Variants in UFL1 observed in about 807,000 individuals in gnomAD.
UFL1 encodes the protein UFM1 specific ligase 1.
Under a neutral mutation model 99.3 loss-of-function variants are expected in UFL1, and 78 were observed. The observed-to-expected ratio is 0.79, with a 90% CI of 0.65 to 0.95. The LOEUF (loss-of-function observed/expected upper bound fraction) is 0.95. UFL1 is among the 40% of genes least tolerant of loss of function. UFL1 has a pLI of 0.00. For missense variants in UFL1, 936 were observed against 937.0 expected, an observed-to-expected ratio of 1.00 and a Z score of 0.01; for synonymous variants, 335 against 322.2, an observed-to-expected ratio of 1.04 and a Z score of -0.42.
At chr6:96,530,497 G>A (rs1245681188) in intron 6 of UFL1, among the ~76,000 whole-genome samples, 1 of 152,060 alleles carries the variant, frequency 6.6e-6, no homozygotes, top group Non-Finnish European at 1.5e-5. Flanking sequence ...GGCAATTTGG[G>A]ACCATGGATG....
At chr6:96,540,445 A>G (rs1769914683) in intron 10 of UFL1, 90 bp from the exon 11 acceptor site, 2 of 1,447,850 alleles carry the variant, frequency 1.4e-6, no homozygotes, top group African/African-American at 2.9e-5. Context: ...ACAAAACCAA[A>G]CAAGAATAAT....
In UFL1 at chr6:96,551,513, G is replaced by A; in HGVS notation, c.1899G>A (p.Lys633=). The change falls in exon 16 of 19, where the codon AAG becomes AAA. Residue 633 remains lysine (K), a splice_region_variant and synonymous_variant. Transcript: ENST00000369278. The stretch of plus-strand genomic sequence containing the variant: ...AACTCCATAACTCTCTGAATGAAAA[G>A]GTAAGTAAAGTTTTATTCTATTTAC... ...LTKLHNSLNE[K]SIEDFISCLD... 1 of 1,512,174 alleles carries A rather than the reference G, an allele frequency of 6.6e-7. No individual in the cohort carries two copies. Among genetic ancestry groups the A allele is most frequent in the East Asian group, 2.4e-5 (1 of 41,922 alleles). 93.7% of individuals were successfully genotyped at this position (1,512,174 alleles called of 1,614,324 possible).
intron 12 of UFL1, among the ~76,000 whole-genome samples, chr6:96,545,271 C>G (rs1769984060): frequency 6.6e-6 from 1 of 151,076 alleles, no homozygotes; most frequent in African/African-American, 2.4e-5. Flanking sequence ...TAGAAATAAT[C>G]ACTTTTATAC....
At chr6:96,524,647 C>A (rs1026547010) in intron 3 of UFL1, among the ~76,000 whole-genome samples, 5 of 151,938 alleles carry the variant, frequency 3.3e-5, no homozygotes, top group African/African-American at 1.2e-4. Flanking sequence ...AAGAGTTGGC[C>A]AACTCTTCCC....
Position 96,548,255 on chromosome 6 carries a change from T to G in UFL1, c.1494T>G (p.Ile498Met). Residue 498 changes from isoleucine to methionine, a missense_variant, in exon 13 of 19, where the codon ATT becomes ATG. Transcript: ENST00000369278. Reference sequence around the variant, plus strand: ...TACAAGATGCCCCTGAGGAGTTTATTTCGGAACTTGCTGAGTACTTAATAA... The same window carrying G: ...TACAAGATGCCCCTGAGGAGTTTATGTCGGAACTTGCTGAGTACTTAATAA... The part of the protein sequence containing the change: ...KHIQDAPEEF[I>M]SELAEYLIKP... 6.2e-7 allele frequency: 1 copy of G among 1,601,898 alleles called. No individual in the cohort carries two copies. Among genetic ancestry groups the G allele is most frequent in the Non-Finnish European group, 8.5e-7 (1 of 1,174,816 alleles).
chr6:96,542,794 T>C lies in UFL1; in HGVS notation c.1280-100T>C, dbSNP rs777224533. On this transcript the variant is annotated intron_variant, in intron 11 of 18. Coordinates refer to ENST00000369278, the MANE Select transcript of UFL1 (RefSeq NM_015323.5). The stretch of plus-strand genomic sequence containing the variant: ...TAAAAGTTTCTTTATTTTGCCTTTA[T>C]TTTTTCTGCTGTAAAGTTAAATACA... 845 of 1,217,802 alleles carry C rather than the reference T, an allele frequency of 6.9e-4. 1 individual carries two copies. The highest frequency in any genetic ancestry group is 8.4e-4 in the Non-Finnish European group (786 of 941,110). The allele number at this position is 1,217,802 out of a possible 1,614,324, so 75.4% of individuals were successfully genotyped here. A position where few individuals can be genotyped will look rare whatever the true frequency, so the allele number is the denominator to read the frequency against.
In UFL1 at chr6:96,554,300, T is replaced by C. The variant is rs2127954314; in HGVS notation, c.*797T>C. ...TGACCCAGTTTGCATTTGTACATTT[T>C]ATTTTTTTAGTTCAACAGCTGCTCT... On this transcript the variant is annotated 3_prime_UTR_variant, in exon 19 of 19. Transcript: ENST00000369278. 6.6e-6 allele frequency: 1 copy of C among 152,312 alleles called. No homozygotes were observed. Among genetic ancestry groups the C allele is most frequent in the Non-Finnish European group, 1.5e-5 (1 of 68,020 alleles). The allele number at this position is 152,312 out of a possible 1,614,324, so 9.4% of individuals were successfully genotyped here.
chr6:96,551,267 A>C (rs770848845), intron 15 of UFL1, among the ~76,000 whole-genome samples, 166 bp from the exon 16 acceptor site: 1 of 150,742 alleles, frequency 6.6e-6, no homozygotes, highest in Non-Finnish European at 1.5e-5. Flanking sequence ...TGTTTGGCTG[A>C]TTGGCTATTG....
In UFL1 at chr6:96,528,517, C is replaced by T. The variant is rs1769733896; in HGVS notation, c.481C>T (p.Leu161Phe). ...TTACCCACAGGCACTAACTCAGCGACTTGGTAGAATTATCAGTGGACATAT... is the reference window on the plus strand; with the variant it reads ...TTACCCACAGGCACTAACTCAGCGATTTGGTAGAATTATCAGTGGACATAT... ...NFLTQALTQRLGRIISGHIDL... is the reference protein window; with the variant it reads ...NFLTQALTQRFGRIISGHIDL... Residue 161 changes from leucine (L) to phenylalanine (F), a missense_variant, in exon 6 of 19, where the codon CTT becomes TTT. By Grantham distance (22) the Leu-to-Phe change is conservative (BLOSUM62 0). Transcript: ENST00000369278. The T allele has an allele frequency of 1.2e-6, 2 of 1,612,838 alleles. No homozygotes were observed. The highest frequency in any genetic ancestry group is 1.7e-6 in the Non-Finnish European group (2 of 1,179,458).
chr6:96,524,395 T>C lies in UFL1; in HGVS notation c.237T>C (p.Ile79=). Reference sequence around the variant, plus strand: ...TTTTCTTCAAAGGTCGAGTAAACATTGTTGATCTACAACAGGTAGGTTTTA... The same window carrying C: ...TTTTCTTCAAAGGTCGAGTAAACATCGTTGATCTACAACAGGTAGGTTTTA... ...ELHVRGGRVN[I]VDLQQVINVD... Residue 79 remains isoleucine, a synonymous_variant, in exon 3 of 19, where the codon ATT becomes ATC. Transcript: ENST00000369278. 1 of 1,589,404 alleles carries C rather than the reference T, an allele frequency of 6.3e-7. No individual in the cohort carries two copies. The highest frequency in any genetic ancestry group is 8.5e-7 in the Non-Finnish European group (1 of 1,170,774).
intron 6 of UFL1, among the ~76,000 whole-genome samples, chr6:96,533,047 A>G (rs1313044540): frequency 1.3e-5 from 2 of 152,130 alleles, no homozygotes; most frequent in East Asian, 3.9e-4. Context: ...ATAATCAACA[A>G]TGGAGGATTG....
Position 96,553,279 on chromosome 6 carries a change from T to C in UFL1, c.2167-6T>C, listed in dbSNP as rs1224531427. On this transcript the variant is annotated splice_region_variant and splice_polypyrimidine_tract_variant and intron_variant, in intron 18 of 18. Transcript: ENST00000369278. ...TGTTGATTAACTTTTCTTTCCCTTT[T>C]CACAGGATCAGCATGCTCTTTTGGT... The C allele has an allele frequency of 6.2e-7, 1 of 1,608,602 alleles. No individual in the cohort carries two copies. Among genetic ancestry groups the C allele is most frequent in the East Asian group, 2.2e-5 (1 of 44,784 alleles).
At chr6:96,534,461 T>A (rs948578423) in intron 7 of UFL1, 140 bp downstream of exon 7, 4 of 653,682 alleles carry the variant, frequency 6.1e-6, no homozygotes, top group Non-Finnish European at 9.5e-6. Context: ...TTTCTTTGTA[T>A]CAAGTTTTAT....
At chr6:96,528,196 C>A (rs888631330) in intron 5 of UFL1, among the ~76,000 whole-genome samples, 14 of 152,162 alleles carry the variant, frequency 9.2e-5, no homozygotes. Context: ...ATCAAATAAT[C>A]ATCATATTGA....
intron 4 of UFL1, among the ~76,000 whole-genome samples, chr6:96,525,679 T>TAAAAAA (rs199586317): frequency 3.6e-5 from 4 of 110,900 alleles, no homozygotes; most frequent in African/African-American, 1.0e-4. Context: ...TGTCTCAAAT[T>TAAAAAA]AAAAAAAAAA....
intron 17 of UFL1, 94 bp from the exon 18 acceptor site, chr6:96,552,388 G>T: frequency 7.4e-7 from 1 of 1,348,030 alleles, no homozygotes; most frequent in South Asian, 1.6e-5. Flanking sequence ...AGATAAACTA[G>T]AGAAGCTAAA....
chr6:96,548,380 T>A, intron 13 of UFL1, 99 bp downstream of exon 13: 1 of 737,924 alleles, frequency 1.4e-6, no homozygotes, highest in Non-Finnish European at 2.1e-6. Context: ...GTATTAGATA[T>A]TTTCATTTCA....
rs116108959 is a variant in UFL1 at position 96,546,877 on chromosome 6, A to C, written c.1403-1287A>C. 7.2e-3 allele frequency among the ~76,000 whole-genome samples: 1,091 copies of C among 151,730 alleles called. 10 individuals carry two copies. Among genetic ancestry groups the C allele is most frequent in the African/African-American group, 0.022 (919 of 41,490 alleles). ...AAATATTTAGAATGTAAGACATGAA[A>C]CTGTAAAAATCCTAGAAGAAAACCT... On this transcript the variant is annotated intron_variant, in intron 12 of 18. Transcript: ENST00000369278.
At chr6:96,546,124 A>C (rs189081431) in intron 12 of UFL1, among the ~76,000 whole-genome samples, 1 of 151,268 alleles carries the variant, frequency 6.6e-6, no homozygotes. Flanking sequence ...AAAGCCATAA[A>C]GACTCCTCCA....
Sources: gnomAD v4.1 joint callset for allele counts (sites outside exome capture counted in the v4.1 genomes callset) on GRCh38, gnomAD v4.1.1 for gene constraint, MANE v1.5 for transcripts, NCBI Gene and HGNC (gene_info 2026-07-23, HGNC 2026-07-21) for gene names.